SCML4: variants seen among roughly 807,000 people sequenced by gnomAD.
The protein encoded by SCML4 is sex comb on midleg-like protein 4.
In SCML4, 34 loss-of-function variants were observed where a neutral mutation model predicts 41.1. The ratio of observed to expected loss-of-function variants is 0.83; its 90% CI spans 0.63 to 1.10. SCML4 has a LOEUF of 1.10. Among genes scored for constraint, SCML4 ranks in the 50% least tolerant of loss-of-function variants. SCML4 has a pLI of 0.00. For synonymous variants in SCML4, 214 were observed against 220.9 expected, an observed-to-expected ratio of 0.97 and a Z score of 0.28; for missense variants, 522 against 534.1, an observed-to-expected ratio of 0.98 and a Z score of 0.22.
In SCML4 at chr6:107,739,909, A is replaced by T. The variant is rs1256746305; in HGVS notation, c.682+5040T>A. 3.3e-5 allele frequency among the ~76,000 whole-genome samples: 5 copies of T among 152,222 alleles called. No homozygotes were observed. In the East Asian group the frequency reaches 9.6e-4, roughly 29 times the overall value. On this transcript the variant is annotated intron_variant, in intron 5 of 7. Coordinates refer to ENST00000369020, the MANE Select transcript of SCML4 (RefSeq NM_198081.5). ...GGTACTGCTCAGAGCTTACCATGCC[A>T]TCGCTGCTTCCTCCACTTTCCCCAA...
chr6:107,792,032 G>A (rs1782369877), intron 1 of SCML4, among the ~76,000 whole-genome samples: 1 of 152,196 alleles, frequency 6.6e-6, no homozygotes, highest in Admixed American at 6.5e-5. Context: ...GGGAAGGGGA[G>A]GGGAACAAAT....
intron 6 of SCML4, chr6:107,720,476 A>G (rs1457616916): frequency 1.0e-5 from 13 of 1,274,202 alleles, no homozygotes; most frequent in African/African-American, 6.1e-5. Flanking sequence ...GAGTCTACGT[A>G]TCCTGTGGCC....
At chr6:107,717,011 A>C (rs957316991) in intron 6 of SCML4, among the ~76,000 whole-genome samples, 2 of 151,872 alleles carry the variant, frequency 1.3e-5, no homozygotes, top group Non-Finnish European at 2.9e-5. Context: ...GTTAAAAGGA[A>C]TCTTTCGGCT....
chr6:107,717,167 A>C (rs112823468), intron 6 of SCML4, among the ~76,000 whole-genome samples: 1,702 of 135,500 alleles, frequency 0.013, 80 homozygotes, highest in African/African-American at 0.04. Context: ...AAAAAAAAAA[A>C]AAAAAAGCCA....
chr6:107,741,503 A>G (rs1777596178), intron 5 of SCML4, among the ~76,000 whole-genome samples: 1 of 152,230 alleles, frequency 6.6e-6, no homozygotes, highest in African/African-American at 2.4e-5. Context: ...CCAGAGACAA[A>G]GCAGGGAGGT....
chr6:107,731,004 C>T (rs80329557), intron 5 of SCML4, among the ~76,000 whole-genome samples: 2,548 of 152,264 alleles, frequency 0.017, 33 homozygotes, highest in Non-Finnish European at 0.024. Context: ...GCCCCTGCAT[C>T]CATGGCTTCC....
chr6:107,789,438 C>A (rs541891145), intron 1 of SCML4, among the ~76,000 whole-genome samples: 1 of 152,278 alleles, frequency 6.6e-6, no homozygotes, highest in East Asian at 1.9e-4. Context: ...CCTTTCCAGG[C>A]GGGTTCCTCT....
Position 107,720,909 on chromosome 6 carries a change from T to C in SCML4, c.767A>G (p.Asn256Ser). 1.2e-6 allele frequency: 2 copies of C among 1,614,048 alleles called. No individual in the cohort carries two copies. Among genetic ancestry groups the C allele is most frequent in the South Asian group, 1.1e-5 (1 of 91,062 alleles). Residue 256 changes from asparagine (N) to serine (S), a missense_variant, in exon 6 of 8, where the codon AAC becomes AGC. Asn to Ser is a conservative substitution (Grantham distance 46). Transcript: ENST00000369020. ...YSVDTSASTF[N>S]HRGSLHPSSS... ...GGAGGGGTGCAAGGAGCCCCTGTGG[T>C]TAAAGGTGGAGGCGGAGGTGTCCAC... is the stretch of plus-strand genomic sequence containing the variant.
At chr6:107,759,645 A>G (rs1462161222) in intron 2 of SCML4, among the ~76,000 whole-genome samples, 1 of 152,170 alleles carries the variant, frequency 6.6e-6, no homozygotes, top group African/African-American at 2.4e-5. Context: ...AAACACTAGC[A>G]TGTATTTACT....
rs552176873 is a variant in SCML4, at chr6:107,702,893, G to T, written c.*2307C>A. Among the ~76,000 whole-genome samples, 8 of 152,194 alleles carry T rather than the reference G, an allele frequency of 5.3e-5. No individual in the cohort carries two copies. On this transcript the variant is annotated 3_prime_UTR_variant, in exon 8 of 8. Coordinates refer to ENST00000369020, the MANE Select transcript of SCML4 (RefSeq NM_198081.5). Reference sequence around the variant, plus strand: ...ATGGCTAAAGCATTCTGAGTCACAGGATGAGACAGGAGGTCAGCACAAGAT... The same window carrying T: ...ATGGCTAAAGCATTCTGAGTCACAGTATGAGACAGGAGGTCAGCACAAGAT...
Position 107,704,379 on chromosome 6 carries a change from G to GTAA in SCML4, c.*820_*821insTTA, listed in dbSNP as rs1201133841. 9 of 152,212 alleles carry GTAA rather than the reference G, an allele frequency of 5.9e-5. No homozygotes were observed. The highest frequency in any genetic ancestry group is 1.9e-4 in the African/African-American group (8 of 41,446). The allele number at this position is 152,212 out of a possible 1,614,324, so 9.4% of individuals were successfully genotyped here. A position where few individuals can be genotyped will look rare whatever the true frequency, so the allele number is the denominator to read the frequency against. On this transcript the variant is annotated 3_prime_UTR_variant, in exon 8 of 8. Transcript: ENST00000369020. ...TTCCAAATTCTTGCCTTTGCTAGTT[G>GTAA]AGTATCAGTCAGTCAGTCAATAATG... is the stretch of plus-strand genomic sequence containing the variant.
chr6:107,769,012 T>A (rs1244819586), intron 2 of SCML4, among the ~76,000 whole-genome samples: 1 of 152,188 alleles, frequency 6.6e-6, no homozygotes, highest in Non-Finnish European at 1.5e-5. Flanking sequence ...ATCTACCTAT[T>A]GATCTTGGGG....
chr6:107,811,462 T>A (rs1784153152), intron 1 of SCML4, among the ~76,000 whole-genome samples: 1 of 152,226 alleles, frequency 6.6e-6, no homozygotes, highest in Admixed American at 6.5e-5. Flanking sequence ...CTTGTATTTA[T>A]AAGCAGTGGG....
chr6:107,837,928 G>T, the SCML4 span, among the ~76,000 whole-genome samples: 5 of 108,672 alleles, frequency 4.6e-5, no homozygotes, highest in South Asian at 3.2e-4. Flanking sequence ...TTTTTTTTGA[G>T]ATGGAGTTTT....
intron 2 of SCML4, chr6:107,755,735 G>A: frequency 1.7e-6 from 1 of 594,584 alleles, no homozygotes; most frequent in Admixed American, 4.3e-5. Flanking sequence ...CTGATATAGT[G>A]GTTTCTAACA....
At chr6:107,777,479 A>C (rs933543064) in intron 1 of SCML4, among the ~76,000 whole-genome samples, 9 of 152,160 alleles carry the variant, frequency 5.9e-5, no homozygotes, top group African/African-American at 2.2e-4. Context: ...TAAGCAATGA[A>C]TGGATGATTC....
chr6:107,744,412 C>A (rs1000847750), intron 5 of SCML4, among the ~76,000 whole-genome samples: 1 of 152,196 alleles, frequency 6.6e-6, no homozygotes, highest in Non-Finnish European at 1.5e-5. Flanking sequence ...GAAACACTAA[C>A]CCTTGCTGGA....
upstream of SCML4, among the ~76,000 whole-genome samples, chr6:107,826,870 T>C (rs947971825): frequency 6.6e-5 from 10 of 152,076 alleles, no homozygotes; most frequent in Non-Finnish European, 8.8e-5. Flanking sequence ...GAGACCATCC[T>C]GGCTAACACG....
the SCML4 span, among the ~76,000 whole-genome samples, chr6:107,842,294 C>T: frequency 3.3e-5 from 5 of 152,098 alleles, no homozygotes; most frequent in Admixed American, 2.6e-4. Context: ...TGTGAAATTT[C>T]CAGTTTTTAA....
Sources: gnomAD v4.1 joint callset for allele counts (sites outside exome capture counted in the v4.1 genomes callset) on GRCh38, gnomAD v4.1.1 for gene constraint, MANE v1.5 for transcripts, NCBI Gene and HGNC (gene_info 2026-07-23, HGNC 2026-07-21) for gene names.